SYTL5: variants seen among roughly 807,000 people sequenced by gnomAD.
The protein encoded by SYTL5 is synaptotagmin-like protein 5.
SYTL5 carries 34 observed loss-of-function variants against 55.9 expected under a neutral mutation model. That is an observed-to-expected ratio of 0.61 (90% CI 0.46 to 0.81). The LOEUF (loss-of-function observed/expected upper bound fraction) is 0.81. SYTL5 is among the 30% of genes least tolerant of loss of function. The probability of loss-of-function intolerance (pLI) is 0.00; values close to 1 mark genes in which losing one functional copy is unlikely to be tolerated. For synonymous variants in SYTL5, 221 were observed against 188.7 expected, an observed-to-expected ratio of 1.17 and a Z score of -1.40; for missense variants, 637 against 546.7, an observed-to-expected ratio of 1.17 and a Z score of -1.65.
chrX:38,021,569 G>A (rs894727839), intron 1 of SYTL5, among the ~76,000 whole-genome samples: 1 of 111,797 alleles, frequency 8.9e-6, no homozygotes, highest in Admixed American at 9.5e-5. Context: ...TGAGTGCTTG[G>A]CATAGTCCTT....
At chrX:38,019,016 G>C (rs919441798) in intron 1 of SYTL5, among the ~76,000 whole-genome samples, 3 of 111,953 alleles carry the variant, frequency 2.7e-5, no homozygotes, top group African/African-American at 9.8e-5. Context: ...ATATGATTGC[G>C]CTGTTCCTTG....
Position 38,122,115 on chromosome X carries a change from T to A in SYTL5, c.1741T>A (p.Ser581Thr). The change falls in exon 15 of 17, where the codon TCA (serine) becomes ACA (threonine). Residue 581 changes from serine (S) to threonine (T), a missense_variant. Transcript: ENST00000297875. Reference protein sequence around the residue: ...KTFKKGKKKESPVISGGILEV... With the variant: ...KTFKKGKKKETPVISGGILEV... ...TTTTAAAAAGGGAAAGAAGAAGGAG[T>A]CACCTGTAATCTCTGGAGGAATACT... The A allele has an allele frequency of 8.4e-7, 1 of 1,195,210 alleles. No homozygotes were observed. The highest frequency in any genetic ancestry group is 1.1e-6 in the Non-Finnish European group (1 of 886,187).
At chrX:38,038,700 G>C (rs1355262952) in intron 2 of SYTL5, among the ~76,000 whole-genome samples, 2 of 112,052 alleles carry the variant, frequency 1.8e-5, no homozygotes, top group East Asian at 5.6e-4. Context: ...TGTTTTGGCT[G>C]TTTACCATGA....
At chrX:37,970,607 C>T in the SYTL5 span, among the ~76,000 whole-genome samples, 1 of 111,353 alleles carries the variant, frequency 9.0e-6, no homozygotes, top group Non-Finnish European at 1.9e-5. Context: ...AAGCATTTAT[C>T]CTGTTACGTT....
At chrX:37,982,663 A>G in the SYTL5 span, among the ~76,000 whole-genome samples, 2 of 111,736 alleles carry the variant, frequency 1.8e-5, no homozygotes, top group Non-Finnish European at 3.8e-5. Flanking sequence ...CAATAATACC[A>G]CAAAAGGGGA....
chrX:37,951,706 A>G, the SYTL5 span, among the ~76,000 whole-genome samples: 1 of 111,474 alleles, frequency 9.0e-6, no homozygotes, highest in Non-Finnish European at 1.9e-5. Context: ...ATTGTAAGGC[A>G]GGAGTGGTGA....
At chrX:37,923,981 A>C in the SYTL5 span, among the ~76,000 whole-genome samples, 8 of 111,295 alleles carry the variant, frequency 7.2e-5, no homozygotes, top group Admixed American at 6.7e-4. Context: ...TATGTTTAAG[A>C]GGTTCCCGCC....
the SYTL5 span, among the ~76,000 whole-genome samples, chrX:37,998,286 G>A: frequency 6.9e-4 from 78 of 112,356 alleles, no homozygotes; most frequent in Middle Eastern, 0.014. Flanking sequence ...CCCCTTGCTC[G>A]CCATGTTGCA....
At chrX:38,016,221 A>T (rs1223680372) in intron 1 of SYTL5, among the ~76,000 whole-genome samples, 1 of 112,243 alleles carries the variant, frequency 8.9e-6, no homozygotes, top group East Asian at 2.8e-4. Flanking sequence ...ATTGATGCAT[A>T]CTTATCCACA....
chrX:37,983,767 G>T, the SYTL5 span, among the ~76,000 whole-genome samples: 1 of 111,522 alleles, frequency 9.0e-6, no homozygotes, highest in East Asian at 2.8e-4. Context: ...AAATTTAAAA[G>T]GATAGAAAAA....
chrX:38,069,396 G>A (rs1042657565), intron 3 of SYTL5, among the ~76,000 whole-genome samples: 2 of 111,640 alleles, frequency 1.8e-5, no homozygotes, highest in Non-Finnish European at 3.8e-5. Flanking sequence ...AGAGATTCTG[G>A]GAAGAATCCA....
chrX:38,103,439 C>T (rs1602399341), intron 10 of SYTL5, among the ~76,000 whole-genome samples: 2 of 110,665 alleles, frequency 1.8e-5, no homozygotes, highest in South Asian at 7.7e-4. Context: ...TTCTCACAAG[C>T]CTCCGTATTT....
chrX:38,061,390 A>G (rs111981252), intron 3 of SYTL5, among the ~76,000 whole-genome samples: 5,626 of 111,543 alleles, frequency 0.05, 123 homozygotes, highest in Middle Eastern at 0.084. Context: ...AAGCATAAAT[A>G]ATATTTTATT....
chrX:38,027,231 A>G (rs748888847), intron 1 of SYTL5, among the ~76,000 whole-genome samples: 2 of 112,202 alleles, frequency 1.8e-5, no homozygotes, highest in Admixed American at 9.5e-5. Context: ...AAAGAGTACA[A>G]CTGCAATATA....
chrX:37,972,727 G>A, the SYTL5 span, among the ~76,000 whole-genome samples: 4 of 111,732 alleles, frequency 3.6e-5, no homozygotes, highest in Admixed American at 1.9e-4. Context: ...AGGAAGGCAC[G>A]AGACATCAGT....
At chrX:38,083,453 G>A (rs5917532) in intron 6 of SYTL5, among the ~76,000 whole-genome samples, 26,509 of 110,840 alleles carry the variant, frequency 0.24, 2,812 homozygotes, top group African/African-American at 0.39. Flanking sequence ...TATTTCTATA[G>A]TTAACATTAG....
At chrX:37,950,627 T>C in the SYTL5 span, among the ~76,000 whole-genome samples, 1 of 111,536 alleles carries the variant, frequency 9.0e-6, no homozygotes, top group African/African-American at 3.2e-5. Flanking sequence ...TATTGCTTTT[T>C]TGGTGGCTTT....
At chrX:37,939,926 G>T in the SYTL5 span, among the ~76,000 whole-genome samples, 1 of 111,518 alleles carries the variant, frequency 9.0e-6, no homozygotes, top group Non-Finnish European at 1.9e-5. Flanking sequence ...TGCCTGCCAG[G>T]TTCAAGCGAT....
At chrX:37,942,998 T>G in the SYTL5 span, among the ~76,000 whole-genome samples, 2 of 111,745 alleles carry the variant, frequency 1.8e-5, no homozygotes, top group African/African-American at 6.5e-5. Flanking sequence ...CATTTAAAAT[T>G]TGAGCAAGGG....
Sources: gnomAD v4.1 joint callset for allele counts (sites outside exome capture counted in the v4.1 genomes callset) on GRCh38, gnomAD v4.1.1 for gene constraint, MANE v1.5 for transcripts, NCBI Gene and HGNC (gene_info 2026-07-23, HGNC 2026-07-21) for gene names.